The following EVPL variants were observed in gnomAD, a reference collection of about 807,000 sequenced individuals.
EVPL encodes the protein envoplakin, also known as 210 kDa cornified envelope precursor protein.
In EVPL, 94 loss-of-function variants were observed where a neutral mutation model predicts 129.7. The ratio of observed to expected loss-of-function variants is 0.72; its 90% confidence interval spans 0.61 to 0.86. EVPL has a LOEUF of 0.86. Among genes scored for constraint, EVPL ranks in the 40% least tolerant of loss-of-function variants. The pLI, the probability that EVPL is intolerant of heterozygous loss-of-function variation, is 0.00. For missense variants in EVPL, 2,625 were observed against 2,721.1 expected, an observed-to-expected ratio of 0.96 and a Z score of 0.79; for synonymous variants, 1,172 against 1,191.1, an observed-to-expected ratio of 0.98 and a Z score of 0.33.
rs2071193 is a variant in EVPL at position 76,018,547 on chromosome 17, G to T, written c.1338C>A (p.His446Gln). ...RYKLVDNTDP[H>Q]AWVVQGPGGE... is the part of the protein sequence containing the mutation. ...CGCCAGGGCCCTGCACGACCCAGGC[G>T]TGCGGGTCAGTGTTATCTACCAGCT... The change falls in exon 12 of 22, where the codon CAC (histidine) becomes CAA (glutamine). Residue 446 changes from histidine (H) to glutamine (Q), a missense_variant. Transcript: ENST00000301607. 1 of 1,612,044 alleles carries T rather than the reference G, an allele frequency of 6.2e-7. No homozygotes were observed. The highest frequency in any genetic ancestry group is 1.7e-4 in the Middle Eastern group (1 of 6,056).
At position 76,010,463 on chromosome 17, in the gene EVPL, T is replaced by C. The variant is rs1039276032; in HGVS notation, c.2742A>G (p.Ser914=). ...SESPAQAGRE[S]EALKAQLEEE... ...CTTCCAGCTGGGCCTTCAGGGCCTC[T>C]GACTCTCTCCCTGCTTGGGCAGGGC... is the stretch of plus-strand genomic sequence containing the variant. The change falls in exon 22 of 22, where the codon TCA becomes TCG. Residue 914 remains serine, a synonymous_variant. Coordinates refer to ENST00000301607, the MANE Select transcript of EVPL (RefSeq NM_001988.4). The C allele has an allele frequency of 6.8e-6, 11 of 1,614,086 alleles. No homozygotes were observed. Among genetic ancestry groups the C allele is most frequent in the African/African-American group, 1.3e-5 (1 of 75,020 alleles).
rs752504429 is a variant in EVPL, at chr17:76,007,845, C to G, written c.5360G>C (p.Ser1787Thr). ...ALLVAGETKP[S>T]SSLSIGSIIS... ...GATAGAGCCGATGGAGAGTGAGGAG[C>G]TTGGCTTGGTCTCCCCAGCTACAAG... The change falls in exon 22 of 22, where the codon AGC (serine) becomes ACC (threonine). Residue 1787 changes from serine (S) to threonine (T), a missense_variant. This residue lies in a region of EVPL where 1,453 missense variants were observed against 1,511.8 expected (regional missense o/e 0.96). Coordinates refer to ENST00000301607, the MANE Select transcript of EVPL (RefSeq NM_001988.4). This position sits in a 1 kb window ranked among gnomAD's most constrained non-coding sequence, Gnocchi z 8.8. 76 of 1,611,916 alleles carry G rather than the reference C, an allele frequency of 4.7e-5. No individual in the cohort carries two copies. Among genetic ancestry groups the G allele is most frequent in the Non-Finnish European group, 6.2e-5 (73 of 1,178,436 alleles).
rs761919888 is a variant in EVPL, at chr17:76,009,543, G to A, written c.3662C>T (p.Ala1221Val). Residue 1221 changes from alanine (A) to valine (V), a missense_variant, in exon 22 of 22, where the codon GCG becomes GTG. Coordinates refer to ENST00000301607, the MANE Select transcript of EVPL (RefSeq NM_001988.4). This position sits in a 1 kb window ranked among gnomAD's most constrained non-coding sequence, Gnocchi z 5.9. ...CTTCTCCACACCGCTCCTCTTGCCC[G>A]CCATCTCCTGCAGCTTGGCCTTGAG... ...TRLKAKLQEMAGKRSGVEKEV... is the reference protein window; with the variant it reads ...TRLKAKLQEMVGKRSGVEKEV... 16 of 1,613,822 alleles carry A rather than the reference G, an allele frequency of 9.9e-6. No homozygotes were observed. The highest frequency in any genetic ancestry group is 2.7e-5 in the African/African-American group (2 of 74,870).
intron 21 of EVPL, among the ~76,000 whole-genome samples, chr17:76,011,132 T>C (rs755680967): frequency 5.3e-5 from 8 of 152,190 alleles, no homozygotes; most frequent in Non-Finnish European, 1.2e-4. Flanking sequence ...ACCTCTCCCT[T>C]TTCCCCTTCC....
chr17:76,014,279 TGGGCAAAGA>T, intron 18 of EVPL, 138 bp downstream of exon 18: 1 of 1,142,030 alleles, frequency 8.8e-7, no homozygotes. Flanking sequence ...GCCCCGTCTG[TGGGCAAAGA>T]GGAGCATTTC....
At chr17:76,021,610 C>CCGGCG in intron 8 of EVPL, 47 bp from the exon 9 acceptor site, 4 of 1,357,554 alleles carry the variant, frequency 2.9e-6, no homozygotes, top group Non-Finnish European at 3.9e-6. Context: ...CCCCCACGTC[C>CCGGCG]GCCCCACCTC....
chr17:76,013,933 C>T lies in EVPL; in HGVS notation c.2373+493G>A, dbSNP rs1018485367. Among the ~76,000 whole-genome samples, 7 of 152,130 alleles carry T rather than the reference C, an allele frequency of 4.6e-5. No individual in the cohort carries two copies. Among genetic ancestry groups the T allele is most frequent in the Admixed American group, 1.3e-4 (2 of 15,272 alleles). On this transcript the variant is annotated intron_variant, in intron 18 of 21. Coordinates refer to ENST00000301607, the MANE Select transcript of EVPL (RefSeq NM_001988.4). The surrounding 1 kb of genome is among the most constrained non-coding windows in gnomAD (Gnocchi z 4.3). The stretch of plus-strand genomic sequence containing the variant: ...TGGTCGCCCTCGCCCCTGAGTCCCC[C>T]TCCTTTCCCCTGACTGCCATGCCTT...
At position 76,023,992 on chromosome 17, in the gene EVPL, C is replaced by T. The variant is rs370249966; in HGVS notation, c.198+29G>A. 3.6e-4 allele frequency: 582 copies of T among 1,597,734 alleles called. 3 individuals carry two copies. Among genetic ancestry groups the T allele is most frequent in the Non-Finnish European group, 4.3e-4 (505 of 1,172,894 alleles). Reference sequence around the variant, plus strand: ...CCTCCCATGCCACCCAGCCTGTCCACGCCCTGCCAACTGCTGCCGGGGCCT... The same window carrying T: ...CCTCCCATGCCACCCAGCCTGTCCATGCCCTGCCAACTGCTGCCGGGGCCT... On this transcript the variant is annotated intron_variant, in intron 2 of 21. Transcript: ENST00000301607.
rs780235812 is a variant in EVPL, at chr17:76,022,482, G to A, written c.537C>T (p.Ile179=). The A allele has an allele frequency of 1.2e-6, 2 of 1,613,162 alleles. No individual in the cohort carries two copies. The highest frequency in any genetic ancestry group is 2.2e-5 in the South Asian group (2 of 90,868). ...GPGMAELEQQ[I]AEHNILQKEI... is the part of the protein sequence containing the mutation. ...CCTTCTGCAGGATGTTGTGCTCGGC[G>A]ATCTGTTGCTCCAGCTCCGCCATGC... is the stretch of plus-strand genomic sequence containing the variant. The change falls in exon 5 of 22, where the codon ATC becomes ATT. Residue 179 remains isoleucine (I), a synonymous_variant. Coordinates refer to ENST00000301607, the MANE Select transcript of EVPL (RefSeq NM_001988.4). The surrounding 1 kb of genome is among the most constrained non-coding windows in gnomAD (Gnocchi z 5.6).
intron 18 of EVPL, among the ~76,000 whole-genome samples, chr17:76,012,626 G>A (rs142818788): frequency 8.5e-5 from 13 of 152,088 alleles, no homozygotes; most frequent in South Asian, 2.1e-4. Context: ...TTCTAGCACA[G>A]TAGTATCTGC....
intron 9 of EVPL, among the ~76,000 whole-genome samples, chr17:76,019,909 A>T (rs1036965578): frequency 1.3e-5 from 2 of 152,230 alleles, no homozygotes; most frequent in Non-Finnish European, 2.9e-5. Flanking sequence ...GGTAAACCTA[A>T]ACCAGCTAAA....
Position 76,024,010 on chromosome 17 carries a change from C to A in EVPL, c.198+11G>T. On this transcript the variant is annotated intron_variant, in intron 2 of 21. Coordinates refer to ENST00000301607, the MANE Select transcript of EVPL (RefSeq NM_001988.4). The surrounding 1 kb of genome is among the most constrained non-coding windows in gnomAD (Gnocchi z 4.5). ...CTGTCCACGCCCTGCCAACTGCTGC[C>A]GGGGCCTCACCTGCTGCAGCCTCTT... 3 of 1,609,864 alleles carry A rather than the reference C, an allele frequency of 1.9e-6. No individual in the cohort carries two copies. Among genetic ancestry groups the A allele is most frequent in the African/African-American group, 1.3e-5 (1 of 74,934 alleles).
Position 76,009,030 on chromosome 17 carries a change from C to T in EVPL, c.4175G>A (p.Ser1392Asn), listed in dbSNP as rs2066349718. The T allele has an allele frequency of 6.2e-7, 1 of 1,613,376 alleles. No individual in the cohort carries two copies. Among genetic ancestry groups the T allele is most frequent in the East Asian group, 2.2e-5 (1 of 44,868 alleles). ...GCCCACCTCCTCATCCAGGCTCCCG[C>T]TCAGCCGGCTGTGCTCCTCGCGCAG... The part of the protein sequence containing the change: ...PKLREEHSRL[S>N]GSLDEEVGRR... Residue 1392 changes from serine to asparagine, a missense_variant, in exon 22 of 22, where the codon AGC (serine) becomes AAC (asparagine). Around this residue, in one of 4 missense-constraint regions of EVPL, gnomAD observed 1,453 missense variants for 1,511.8 expected, o/e 0.96. Coordinates refer to ENST00000301607, the MANE Select transcript of EVPL (RefSeq NM_001988.4). The surrounding 1 kb of genome is among the most constrained non-coding windows in gnomAD (Gnocchi z 5.9).
chr17:76,007,774 A>G lies in EVPL; in HGVS notation c.5431T>C (p.Phe1811Leu). The G allele has an allele frequency of 6.2e-7, 1 of 1,612,462 alleles. No homozygotes were observed. Among genetic ancestry groups the G allele is most frequent in the Non-Finnish European group, 8.5e-7 (1 of 1,178,788 alleles). The change falls in exon 22 of 22, where the codon TTC (phenylalanine) becomes CTC (leucine). Residue 1811 changes from phenylalanine to leucine, a missense_variant. Physicochemically the swap from Phe to Leu is conservative, Grantham distance 22. Transcript: ENST00000301607. The surrounding 1 kb of genome is among the most constrained non-coding windows in gnomAD (Gnocchi z 8.8). ...CCGAGAGAGAAGCTGGGAGAGAAGA[A>G]ACTGGTGCTCTGGGGGGCCGGGGAG... ...LASPAPQSTS[F>L]FSPSFSLGLG...
In EVPL at chr17:76,021,715, G is replaced by A. The variant is rs2066461077; in HGVS notation, c.874C>T (p.Arg292Cys). 2.5e-6 allele frequency: 4 copies of A among 1,609,704 alleles called. No individual in the cohort carries two copies. Among genetic ancestry groups the A allele is most frequent in the Middle Eastern group, 1.8e-4 (1 of 5,610 alleles). The part of the protein sequence containing the change: ...SVNQLEDDGE[R>C]MVELRHPAVG... ...GCGGGGTGCCGCAGCTCCACCATGC[G>A]CTCGCCGTCGTCCTCCAGCTGGTTC... The change falls in exon 8 of 22, where the codon CGC becomes TGC. Residue 292 changes from arginine (R) to cysteine (C), a missense_variant. Around this residue, in one of 4 missense-constraint regions of EVPL, gnomAD observed 1,024 missense variants for 997.5 expected, o/e 1.03. Transcript: ENST00000301607.
rs769868783 is a variant in EVPL at position 76,015,256 on chromosome 17, C to A, written c.1999G>T (p.Ala667Ser). The A allele has an allele frequency of 2.5e-6, 4 of 1,599,816 alleles. No homozygotes were observed. The Admixed American group carries it at 5.1e-5, about 20-fold the overall frequency. ...QEAPIPAEPG[A>S]LQERVSELQR... ...AGCTCGCTGACCCTCTCCTGCAGAG[C>A]CCCCGGTTCAGCAGGGATGGGGGCC... is the stretch of plus-strand genomic sequence containing the variant. The change falls in exon 16 of 22, where the codon GCT becomes TCT. Residue 667 changes from alanine to serine, a missense_variant. By Grantham distance (99) the Ala-to-Ser change is moderately conservative. Around this residue, in one of 4 missense-constraint regions of EVPL, gnomAD observed 1,024 missense variants for 997.5 expected, o/e 1.03. Coordinates refer to ENST00000301607, the MANE Select transcript of EVPL (RefSeq NM_001988.4).
chr17:76,018,781 G>A, intron 11 of EVPL, 133 bp downstream of exon 11: 2 of 1,264,178 alleles, frequency 1.6e-6, no homozygotes, highest in Non-Finnish European at 2.1e-6. Context: ...GAGGGTCTGA[G>A]TCAAGGGAAG....
chr17:76,016,241 A>G (rs1297772714), intron 14 of EVPL, among the ~76,000 whole-genome samples: 1 of 152,222 alleles, frequency 6.6e-6, no homozygotes, highest in Non-Finnish European at 1.5e-5. Flanking sequence ...ACAGTTACCT[A>G]CAGTCATCTT....
chr17:76,014,945 G>A lies in EVPL; in HGVS notation c.2193C>T (p.Tyr731=), dbSNP rs1328675027. 2 of 1,592,774 alleles carry A rather than the reference G, an allele frequency of 1.3e-6. No homozygotes were observed. The highest frequency in any genetic ancestry group is 1.7e-6 in the Non-Finnish European group (2 of 1,171,080). The change falls in exon 17 of 22, where the codon TAC becomes TAT. Residue 731 remains tyrosine, a synonymous_variant. Transcript: ENST00000301607. ...QRQVRALTDR[Y]HAVGDQLDLR... ...GGTCCAGCTGGTCCCCTACGGCGTG[G>A]TAGCGGTCGGTGAGGGCTCGCACCT...
Sources: allele counts gnomAD v4.1 joint callset (sites outside exome capture counted in the v4.1 genomes callset), GRCh38; gene constraint gnomAD v4.1.1; regional missense constraint gnomAD v4.1.1; non-coding constraint Gnocchi (gnomAD v3.1); transcripts MANE v1.5; gene names NCBI Gene and HGNC (gene_info 2026-07-23, HGNC 2026-07-21).